The following NRG1 variants were observed in gnomAD, a reference collection of about 807,000 sequenced individuals.
NRG1 encodes pro-neuregulin-1, membrane-bound isoform.
NRG1 carries 18 observed loss-of-function variants against 63.8 expected under a neutral mutation model. The observed-to-expected ratio is 0.28, with a 90% CI of 0.19 to 0.42. The LOEUF is 0.42. Among genes scored for constraint, NRG1 ranks in the 10% least tolerant of loss-of-function variants. NRG1 has a pLI of 1.00. For synonymous variants in NRG1, 302 were observed against 301.3 expected (o/e 1.00, Z -0.02); for missense variants, 762 against 814.7 (o/e 0.94, Z 0.79).
intron 1 of NRG1, among the ~76,000 whole-genome samples, chr8:32,066,204 G>T (rs935850619): frequency 3.3e-5 from 5 of 152,194 alleles, no homozygotes; most frequent in African/African-American, 1.2e-4. Flanking sequence ...GATCCCATTT[G>T]TCAATTTTGG....
intron 1 of NRG1, among the ~76,000 whole-genome samples, chr8:31,919,366 A>G (rs1056462402): frequency 6.6e-6 from 1 of 151,150 alleles, no homozygotes; most frequent in African/African-American, 2.4e-5. Context: ...TACAATAAAA[A>G]AAGCAAGAAG....
chr8:32,087,482 C>CTTTT (rs67438409), intron 1 of NRG1, among the ~76,000 whole-genome samples: 6,641 of 89,860 alleles, frequency 0.074, 1,055 homozygotes, highest in African/African-American at 0.23. Flanking sequence ...TCTTTTCTTT[C>CTTTT]TTTTTTTTTT....
intron 1 of NRG1, among the ~76,000 whole-genome samples, chr8:31,994,491 T>C (rs1367325901): frequency 6.6e-6 from 1 of 151,178 alleles, no homozygotes; most frequent in African/African-American, 2.4e-5. Context: ...TGTCTCTACA[T>C]AAAATTTAAA....
chr8:31,673,782 G>T (rs531165427), intron 1 of NRG1, among the ~76,000 whole-genome samples: 1 of 151,876 alleles, frequency 6.6e-6, no homozygotes, highest in Non-Finnish European at 1.5e-5. Context: ...TAGTCAGGAT[G>T]GTCTATGACT....
intron 1 of NRG1, among the ~76,000 whole-genome samples, chr8:31,928,663 C>CAA (rs1208174554): frequency 6.6e-6 from 1 of 151,680 alleles, no homozygotes; most frequent in Non-Finnish European, 1.5e-5. Context: ...CACACACACA[C>CAA]ACACACACCA....
At chr8:32,751,818 C>T (rs765101468) in intron 7 of NRG1, among the ~76,000 whole-genome samples, 1 of 152,092 alleles carries the variant, frequency 6.6e-6, no homozygotes, top group Non-Finnish European at 1.5e-5. Flanking sequence ...AGAATGCACC[C>T]GTCATCATGC....
At chr8:32,358,086 A>G (rs1623372) in intron 1 of NRG1, among the ~76,000 whole-genome samples, 48,688 of 152,044 alleles carry the variant, frequency 0.32, 7,996 homozygotes, top group African/African-American at 0.35. Flanking sequence ...GCTCAAGTGG[A>G]GATGACTAAG....
At chr8:32,565,373 T>C (rs1216970874) in intron 1 of NRG1, among the ~76,000 whole-genome samples, 1 of 152,200 alleles carries the variant, frequency 6.6e-6, no homozygotes, top group Non-Finnish European at 1.5e-5. Flanking sequence ...TCCTTCTACT[T>C]TGGCCTCCCA....
chr8:32,507,910 C>A (rs1828722439), intron 1 of NRG1, among the ~76,000 whole-genome samples: 1 of 152,140 alleles, frequency 6.6e-6, no homozygotes, highest in Non-Finnish European at 1.5e-5. Flanking sequence ...GTTGGCCAGG[C>A]TTGTCTCAAA....
intron 1 of NRG1, among the ~76,000 whole-genome samples, chr8:32,572,320 A>G (rs867261383): frequency 6.6e-6 from 1 of 152,206 alleles, no homozygotes; most frequent in Admixed American, 6.5e-5. Flanking sequence ...ATGATCTTAG[A>G]GCCCTCATAG....
intron 1 of NRG1, among the ~76,000 whole-genome samples, chr8:32,106,575 A>AAT (rs555347922): frequency 9.3e-4 from 142 of 152,316 alleles, no homozygotes; most frequent in Non-Finnish European, 1.9e-3. Context: ...GAGCTCATAA[A>AAT]ATATGTGTTG....
At chr8:31,818,660 C>G (rs1479443082) in intron 1 of NRG1, among the ~76,000 whole-genome samples, 2 of 152,186 alleles carry the variant, frequency 1.3e-5, no homozygotes, top group African/African-American at 4.8e-5. Context: ...AGGTAATACT[C>G]GCTCACCTGC....
intron 5 of NRG1, among the ~76,000 whole-genome samples, chr8:32,713,189 A>G (rs569662639): frequency 5.3e-5 from 8 of 152,160 alleles, no homozygotes; most frequent in Non-Finnish European, 1.0e-4. Flanking sequence ...CTTTGTTGCC[A>G]TATTGCTGCT....
At chr8:31,704,848 A>AG (rs1810985257) in intron 1 of NRG1, among the ~76,000 whole-genome samples, 1 of 151,176 alleles carries the variant, frequency 6.6e-6, no homozygotes, top group Non-Finnish European at 1.5e-5. Flanking sequence ...AAAAAAAAAA[A>AG]AGAAATTACT....
intron 5 of NRG1, among the ~76,000 whole-genome samples, chr8:32,650,452 A>C (rs1170017974): frequency 1.3e-5 from 2 of 152,046 alleles, no homozygotes; most frequent in African/African-American, 4.8e-5. Context: ...AACTCTGTTA[A>C]TTTTTTAGAC....
At chr8:32,151,751 A>G (rs1837524090) in intron 1 of NRG1, among the ~76,000 whole-genome samples, 1 of 152,180 alleles carries the variant, frequency 6.6e-6, no homozygotes, top group Non-Finnish European at 1.5e-5. Flanking sequence ...TCAGATCTAG[A>G]GCCAAGCTGT....
intron 1 of NRG1, among the ~76,000 whole-genome samples, chr8:31,665,546 C>T (rs2130963368): frequency 6.6e-6 from 1 of 152,258 alleles, no homozygotes; most frequent in African/African-American, 2.4e-5. Context: ...GAGAGAAGAG[C>T]TGCAAAAGGA....
intron 1 of NRG1, among the ~76,000 whole-genome samples, chr8:32,025,888 G>A (rs1324836944): frequency 6.8e-6 from 1 of 147,804 alleles, no homozygotes. Context: ...GGAGCTTGCA[G>A]TGAGCCGAGA....
At chr8:32,328,324 A>G (rs1802247570) in intron 1 of NRG1, among the ~76,000 whole-genome samples, 1 of 152,132 alleles carries the variant, frequency 6.6e-6, no homozygotes. Context: ...TTCATGAATC[A>G]TTTGGGGAGG....
Sources: gnomAD v4.1 joint callset for allele counts (sites outside exome capture counted in the v4.1 genomes callset) on GRCh38, gnomAD v4.1.1 for gene constraint, MANE v1.5 for transcripts, NCBI Gene and HGNC (gene_info 2026-07-23, HGNC 2026-07-21) for gene names.